Variants in SIL1 observed in about 807,000 individuals in gnomAD.
SIL1 encodes the protein nucleotide exchange factor SIL1.
A neutral mutation model predicts 49.1 loss-of-function variants in SIL1; 40 were observed. That is an observed-to-expected ratio of 0.81 (90% CI 0.63 to 1.06). SIL1 has a LOEUF of 1.06. Ranked by LOEUF, SIL1 falls within the 50% of genes least tolerant of loss-of-function variation. The probability of loss-of-function intolerance (pLI) is 0.00; values close to 1 mark genes in which losing one functional copy is unlikely to be tolerated. For synonymous variants in SIL1, 253 were observed against 250.8 expected, an observed-to-expected ratio of 1.01 and a Z score of -0.08; for missense variants, 500 against 572.6, an observed-to-expected ratio of 0.87 and a Z score of 1.29.
intron 3 of SIL1, among the ~76,000 whole-genome samples, chr5:139,058,705 C>T (rs1443456584): frequency 1.3e-5 from 2 of 152,302 alleles, no homozygotes; most frequent in East Asian, 3.9e-4. Context: ...AAAAACCCTT[C>T]CTCCCCACCA....
chr5:139,101,374 C>G (rs1206699318), intron 3 of SIL1, among the ~76,000 whole-genome samples: 9 of 152,194 alleles, frequency 5.9e-5, no homozygotes, highest in Non-Finnish European at 1.5e-5. Flanking sequence ...CTGAAATTTA[C>G]CTAATTACTC....
At chr5:139,132,197 G>A (rs532207838) in intron 1 of SIL1, among the ~76,000 whole-genome samples, 1 of 152,256 alleles carries the variant, frequency 6.6e-6, no homozygotes, top group East Asian at 1.9e-4. Flanking sequence ...GAAGACAAAT[G>A]AGCAGAAGGG....
intron 7 of SIL1, among the ~76,000 whole-genome samples, chr5:139,013,350 T>G (rs900065268): frequency 1.3e-5 from 2 of 152,326 alleles, no homozygotes; most frequent in African/African-American, 4.8e-5. Context: ...CAAAGCCAAT[T>G]TGCCTTAATA....
chr5:139,122,024 C>T (rs1750651090), intron 2 of SIL1, among the ~76,000 whole-genome samples: 5 of 152,082 alleles, frequency 3.3e-5, no homozygotes, highest in Admixed American at 3.3e-4. Context: ...CAGAGGGTTC[C>T]GGAGCTCTGG....
intron 3 of SIL1, among the ~76,000 whole-genome samples, chr5:139,055,904 C>T (rs931851504): frequency 6.6e-6 from 1 of 152,042 alleles, no homozygotes; most frequent in Non-Finnish European, 1.5e-5. Context: ...AGCTCCTAAC[C>T]GCGAGTGATC....
chr5:139,086,227 T>C (rs938022445), intron 3 of SIL1, among the ~76,000 whole-genome samples: 1 of 142,542 alleles, frequency 7.0e-6, no homozygotes, highest in Non-Finnish European at 1.5e-5. Context: ...GAGCCATGAC[T>C]GCACCACTGC....
At chr5:139,084,791 AAAAAT>A (rs1561855982) in intron 3 of SIL1, among the ~76,000 whole-genome samples, 2 of 150,744 alleles carry the variant, frequency 1.3e-5, no homozygotes, top group Non-Finnish European at 3.0e-5. Flanking sequence ...TAATAAAAAT[AAAAAT>A]AAATAAAAAA....
intron 1 of SIL1, among the ~76,000 whole-genome samples, chr5:139,150,614 A>G (rs925925214): frequency 2.0e-5 from 3 of 152,084 alleles, no homozygotes; most frequent in Non-Finnish European, 4.4e-5. Context: ...CGAATCTCTC[A>G]TTTGCTCAAC....
chr5:139,108,840 G>A (rs1770781899), intron 3 of SIL1, among the ~76,000 whole-genome samples: 1 of 152,014 alleles, frequency 6.6e-6, no homozygotes, highest in African/African-American at 2.4e-5. Context: ...AGGTAAGGTG[G>A]CAGGGAGGGC....
chr5:138,992,888 A>G (rs537887610), intron 7 of SIL1, among the ~76,000 whole-genome samples: 11 of 152,190 alleles, frequency 7.2e-5, no homozygotes, highest in Non-Finnish European at 1.5e-4. Context: ...TTAGAAAATA[A>G]TAATTAAAAA....
intron 7 of SIL1, among the ~76,000 whole-genome samples, chr5:138,973,059 C>T (rs1463374198): frequency 6.6e-6 from 1 of 152,170 alleles, no homozygotes; most frequent in Non-Finnish European, 1.5e-5. Flanking sequence ...TGCCTGCCAC[C>T]TGGCTGAAGG....
chr5:138,989,230 C>T (rs1274339469), intron 7 of SIL1, among the ~76,000 whole-genome samples: 2 of 152,108 alleles, frequency 1.3e-5, no homozygotes, highest in African/African-American at 4.8e-5. Flanking sequence ...GAAGTCAGAC[C>T]ATGTTCCACA....
Position 138,951,816 on chromosome 5 carries a change from G to T in SIL1, c.836C>A (p.Thr279Lys), listed in dbSNP as rs535287958. The T allele has an allele frequency of 1.2e-6, 2 of 1,614,048 alleles. No individual in the cohort carries two copies. The highest frequency in any genetic ancestry group is 2.2e-5 in the East Asian group (1 of 44,884). ...ALQKLLVILA[T>K]EQPLTAKKKV... ...CTTCTTTGCAGTGAGCGGCTGCTCC[G>T]TGGCCAGGATGACCAGCAGCTTCTG... The change falls in exon 8 of 10, where the codon ACG (threonine) becomes AAG (lysine). Residue 279 changes from threonine (T) to lysine (K), a missense_variant. By Grantham distance (78) the Thr-to-Lys change is moderately conservative. Transcript: ENST00000394817.
intron 1 of SIL1, among the ~76,000 whole-genome samples, chr5:139,166,109 T>A (rs1751618681): frequency 6.6e-6 from 1 of 152,178 alleles, no homozygotes. Context: ...TGGCTCAGAA[T>A]AAGTCTCTAA....
At chr5:139,196,572 T>A (rs1321772230) in intron 1 of SIL1, 2 of 152,230 alleles carry the variant, frequency 1.3e-5, no homozygotes, top group African/African-American at 4.8e-5. Flanking sequence ...GGAATCAAAG[T>A]ACTAGGCAAC....
At chr5:139,095,852 A>C (rs972485508) in intron 3 of SIL1, among the ~76,000 whole-genome samples, 2 of 152,122 alleles carry the variant, frequency 1.3e-5, no homozygotes, top group Admixed American at 6.5e-5. Context: ...AAAAAAATTT[A>C]AAGAAAGAAA....
At chr5:139,194,839 G>C (rs1295235810) in intron 1 of SIL1, among the ~76,000 whole-genome samples, 1 of 152,072 alleles carries the variant, frequency 6.6e-6, no homozygotes, top group Admixed American at 6.6e-5. Context: ...AGAAAGACAG[G>C]GGGAGGCTGA....
chr5:139,192,798 G>A (rs1246768709), intron 1 of SIL1, among the ~76,000 whole-genome samples: 5 of 151,232 alleles, frequency 3.3e-5, no homozygotes, highest in Non-Finnish European at 7.4e-5. Flanking sequence ...AGAAGTTCAA[G>A]ACCAGCCTGA....
intron 1 of SIL1, among the ~76,000 whole-genome samples, chr5:139,184,532 C>T (rs1048204192): frequency 6.6e-6 from 1 of 152,022 alleles, no homozygotes; most frequent in Non-Finnish European, 1.5e-5. Flanking sequence ...AAAAATTAGC[C>T]AGGCATGGTG....
Sources: allele counts gnomAD v4.1 joint callset (sites outside exome capture counted in the v4.1 genomes callset), GRCh38; gene constraint gnomAD v4.1.1; transcripts MANE v1.5; gene names NCBI Gene and HGNC (gene_info 2026-07-23, HGNC 2026-07-21).